Variants in SLC14A2 observed in about 807,000 individuals in gnomAD.
The protein encoded by SLC14A2 is urea transporter 2.
SLC14A2 carries 91 observed loss-of-function variants against 104.6 expected under a neutral mutation model. That is an observed-to-expected ratio of 0.87 (90% confidence interval 0.73 to 1.04). The LOEUF (loss-of-function observed/expected upper bound fraction) is 1.04. Ranked by LOEUF, SLC14A2 falls within the 50% of genes least tolerant of loss-of-function variation. The pLI, the probability that SLC14A2 is intolerant of heterozygous loss-of-function variation, is 0.00. For synonymous variants in SLC14A2, 476 were observed against 466.4 expected, an observed-to-expected ratio of 1.02 and a Z score of -0.27; for missense variants, 1,189 against 1,156.0, an observed-to-expected ratio of 1.03 and a Z score of -0.41.
chr18:45,585,784 C>T (rs948909319), intron 2 of SLC14A2, among the ~76,000 whole-genome samples: 2 of 152,182 alleles, frequency 1.3e-5, no homozygotes, highest in Non-Finnish European at 2.9e-5. Context: ...CCCCTTCTCC[C>T]TCTGCATGAG....
the SLC14A2 span, among the ~76,000 whole-genome samples, chr18:45,176,175 T>C: frequency 6.6e-6 from 1 of 152,164 alleles, no homozygotes; most frequent in Non-Finnish European, 1.5e-5. Context: ...TAATAATCAC[T>C]AAGGTTCCTA....
chr18:45,658,580 C>CA (rs36007266), intron 10 of SLC14A2, among the ~76,000 whole-genome samples: 128 of 136,032 alleles, frequency 9.4e-4, no homozygotes, highest in South Asian at 4.5e-3. Context: ...AACTCCAACT[C>CA]AAAAAAAAAA....
intron 1 of SLC14A2, among the ~76,000 whole-genome samples, chr18:45,226,429 T>A (rs556389151): frequency 6.6e-6 from 1 of 152,166 alleles, no homozygotes; most frequent in South Asian, 2.1e-4. Flanking sequence ...CAAATGTCCA[T>A]CAATGACAAA....
At chr18:45,240,222 G>A (rs1568116663) in intron 1 of SLC14A2, among the ~76,000 whole-genome samples, 2 of 147,492 alleles carry the variant, frequency 1.4e-5, no homozygotes, top group East Asian at 2.1e-4. Flanking sequence ...TCAGCGTCCC[G>A]AGTGGCTGGG....
At chr18:45,525,213 C>T (rs192450668) in intron 2 of SLC14A2, among the ~76,000 whole-genome samples, 18 of 152,178 alleles carry the variant, frequency 1.2e-4, no homozygotes, top group African/African-American at 4.1e-4. Context: ...TCTGACCTAC[C>T]TGGGGTATTT....
intron 1 of SLC14A2, among the ~76,000 whole-genome samples, chr18:45,452,316 A>G (rs970637293): frequency 6.6e-6 from 1 of 152,188 alleles, no homozygotes; most frequent in East Asian, 1.9e-4. Flanking sequence ...ATAATGAAAC[A>G]CCAGTGAATT....
At chr18:45,509,019 C>T (rs538998642) in intron 2 of SLC14A2, among the ~76,000 whole-genome samples, 1 of 152,290 alleles carries the variant, frequency 6.6e-6, no homozygotes, top group East Asian at 1.9e-4. Context: ...GGACCCATGG[C>T]CCCAAACTCA....
At chr18:45,354,189 C>A (rs2085529305) in intron 1 of SLC14A2, among the ~76,000 whole-genome samples, 1 of 152,196 alleles carries the variant, frequency 6.6e-6, no homozygotes, top group African/African-American at 2.4e-5. Flanking sequence ...GTAGAAGTCG[C>A]TGATTCAAGC....
chr18:45,327,488 A>G (rs1056939683), intron 1 of SLC14A2, among the ~76,000 whole-genome samples: 53 of 152,188 alleles, frequency 3.5e-4, no homozygotes, highest in African/African-American at 1.3e-3. Flanking sequence ...CCCAAACAGA[A>G]ACCGTACTCA....
At chr18:45,490,891 A>G (rs942749717) in intron 2 of SLC14A2, among the ~76,000 whole-genome samples, 1 of 152,238 alleles carries the variant, frequency 6.6e-6, no homozygotes, top group South Asian at 2.1e-4. Context: ...ACTGATAATC[A>G]GGGAAATGCC....
chr18:45,665,811 A>G (rs1412310000), intron 11 of SLC14A2, among the ~76,000 whole-genome samples: 1 of 145,670 alleles, frequency 6.9e-6, no homozygotes, highest in Non-Finnish European at 1.5e-5. Context: ...CTGTTTCCTC[A>G]TCTAAAAAAT....
intron 1 of SLC14A2, among the ~76,000 whole-genome samples, chr18:45,453,679 A>G (rs896924294): frequency 3.3e-5 from 5 of 151,982 alleles, no homozygotes; most frequent in African/African-American, 1.2e-4. Context: ...TTTGTGCCTA[A>G]GGCTAGTGTC....
chr18:45,303,352 T>C (rs1238890318), intron 1 of SLC14A2, among the ~76,000 whole-genome samples: 2 of 152,190 alleles, frequency 1.3e-5, no homozygotes, highest in Non-Finnish European at 2.9e-5. Context: ...AGCCACATAC[T>C]GCTAAGTTAG....
At chr18:45,205,111 C>G in the SLC14A2 span, among the ~76,000 whole-genome samples, 1 of 152,202 alleles carries the variant, frequency 6.6e-6, no homozygotes, top group Non-Finnish European at 1.5e-5. Flanking sequence ...ATAGGGACCT[C>G]TCTGTGTTGA....
At chr18:45,247,806 G>C (rs1054035837) in intron 1 of SLC14A2, among the ~76,000 whole-genome samples, 1 of 151,712 alleles carries the variant, frequency 6.6e-6, no homozygotes, top group Non-Finnish European at 1.5e-5. Flanking sequence ...AGGCACTGGA[G>C]TTGTAAGCAA....
chr18:45,538,383 C>T (rs903280256), intron 2 of SLC14A2, among the ~76,000 whole-genome samples: 1 of 152,198 alleles, frequency 6.6e-6, no homozygotes, highest in African/African-American at 2.4e-5. Context: ...TTTGCTGGCT[C>T]TGGCTTAGAG....
intron 1 of SLC14A2, among the ~76,000 whole-genome samples, chr18:45,473,629 T>C (rs923325869): frequency 2.6e-5 from 4 of 152,218 alleles, no homozygotes; most frequent in African/African-American, 9.6e-5. Flanking sequence ...TATTTTATTC[T>C]CTTTGTAGCA....
chr18:45,184,792 C>A, the SLC14A2 span, among the ~76,000 whole-genome samples: 1 of 152,156 alleles, frequency 6.6e-6, no homozygotes, highest in Non-Finnish European at 1.5e-5. Context: ...ACATCTGAAT[C>A]CAGAAGTAGA....
intron 1 of SLC14A2, among the ~76,000 whole-genome samples, chr18:45,312,184 G>A (rs965943232): frequency 1.3e-5 from 2 of 152,124 alleles, no homozygotes; most frequent in African/African-American, 4.8e-5. Context: ...CCATCACTGG[G>A]TGATTACACA....
Sources: allele counts gnomAD v4.1 joint callset (sites outside exome capture counted in the v4.1 genomes callset), GRCh38; gene constraint gnomAD v4.1.1; transcripts MANE v1.5; gene names NCBI Gene and HGNC (gene_info 2026-07-23, HGNC 2026-07-21).